The following PCDHA6 variants were observed in gnomAD, a reference collection of about 807,000 sequenced individuals.
PCDHA6 encodes the protein protocadherin alpha-6.
A neutral mutation model predicts 60.3 loss-of-function variants in PCDHA6; 55 were observed. That is an observed-to-expected ratio of 0.91 (90% CI 0.73 to 1.14). The LOEUF is 1.14. Ranked by LOEUF, PCDHA6 falls within the 50% of genes most tolerant of loss-of-function variation. The probability of loss-of-function intolerance (pLI) is 0.00; values close to 1 mark genes in which losing one functional copy is unlikely to be tolerated. For missense variants in PCDHA6, 1,327 were observed against 1,256.5 expected, an observed-to-expected ratio of 1.06 and a Z score of -0.85; for synonymous variants, 652 against 557.9, an observed-to-expected ratio of 1.17 and a Z score of -2.38.
chr5:140,941,820 C>T (rs2093176252), intron 1 of PCDHA6, among the ~76,000 whole-genome samples: 1 of 152,160 alleles, frequency 6.6e-6, no homozygotes, highest in Non-Finnish European at 1.5e-5. Flanking sequence ...AGGATGACTG[C>T]TGTAAATAAT....
At chr5:140,884,864 T>C (rs1048751495) in intron 1 of PCDHA6, among the ~76,000 whole-genome samples, 1 of 152,234 alleles carries the variant, frequency 6.6e-6, no homozygotes, top group African/African-American at 2.4e-5. Flanking sequence ...TCACAAACCA[T>C]AATGAAATGT....
At chr5:141,003,750 A>T (rs868985181) in intron 3 of PCDHA6, among the ~76,000 whole-genome samples, 3 of 152,226 alleles carry the variant, frequency 2.0e-5, no homozygotes, top group African/African-American at 7.2e-5. Flanking sequence ...CATATTTTGT[A>T]TAATTATGGT....
chr5:140,878,257 T>C (rs1266553954), intron 1 of PCDHA6, among the ~76,000 whole-genome samples: 10 of 152,206 alleles, frequency 6.6e-5, no homozygotes, highest in African/African-American at 2.4e-4. Flanking sequence ...CCTCACGTGC[T>C]TAGGCTTTTA....
chr5:140,883,740 C>G (rs2059789153), intron 1 of PCDHA6: 1 of 1,613,368 alleles, frequency 6.2e-7, no homozygotes, highest in Non-Finnish European at 8.5e-7. Context: ...GCGCTGGTCT[C>G]CTACTCGCTG....
At chr5:140,970,316 A>G (rs547261671) in intron 1 of PCDHA6, among the ~76,000 whole-genome samples, 1 of 152,342 alleles carries the variant, frequency 6.6e-6, no homozygotes, top group African/African-American at 2.4e-5. Flanking sequence ...GTTAAATGAC[A>G]GTACTTCCAA....
chr5:140,830,840 T>G (rs1048325789), intron 1 of PCDHA6: 1 of 154,714 alleles, frequency 6.5e-6, no homozygotes, highest in African/African-American at 2.4e-5. Flanking sequence ...ATAATTTTTT[T>G]ACATATACTC....
At chr5:140,902,257 C>T (rs1450183542) in intron 1 of PCDHA6, among the ~76,000 whole-genome samples, 2 of 140,176 alleles carry the variant, frequency 1.4e-5, no homozygotes, top group South Asian at 2.2e-4. Context: ...AGGCTGGTCT[C>T]GAACTCCTGG....
chr5:140,931,147 A>G (rs1469532498), intron 1 of PCDHA6, among the ~76,000 whole-genome samples: 1 of 152,206 alleles, frequency 6.6e-6, no homozygotes, highest in Non-Finnish European at 1.5e-5. Context: ...AGTGGATACT[A>G]TTTAATAGAA....
At chr5:140,862,719 C>A (rs2047508176) in intron 1 of PCDHA6, 3 of 565,388 alleles carry the variant, frequency 5.3e-6, no homozygotes, top group Admixed American at 1.9e-5. Context: ...TGGGCGAGTG[C>A]GCGCTGTCTA....
At chr5:140,971,117 G>A (rs868931936) in intron 1 of PCDHA6, among the ~76,000 whole-genome samples, 1 of 152,162 alleles carries the variant, frequency 6.6e-6, no homozygotes, top group Admixed American at 6.5e-5. Flanking sequence ...ATTGGGGTGG[G>A]CTACAGGTGG....
intron 1 of PCDHA6, chr5:140,857,366 G>C: frequency 2.5e-6 from 4 of 1,598,350 alleles, no homozygotes; most frequent in Non-Finnish European, 3.4e-6. Flanking sequence ...CACGGCCAGC[G>C]TGTCTGTGGA....
chr5:140,841,459 C>T, intron 1 of PCDHA6: 2 of 1,612,886 alleles, frequency 1.2e-6, no homozygotes, highest in South Asian at 1.1e-5. Context: ...CCTTCGTGGG[C>T]CGGATCGCGC....
At chr5:140,888,645 C>A (rs1275572541) in intron 1 of PCDHA6, among the ~76,000 whole-genome samples, 2 of 152,200 alleles carry the variant, frequency 1.3e-5, no homozygotes, top group African/African-American at 4.8e-5. Context: ...GCAATACTTT[C>A]CTGAGGACAC....
At chr5:140,858,508 T>C (rs1554151704) in intron 1 of PCDHA6, 2 of 1,443,968 alleles carry the variant, frequency 1.4e-6, no homozygotes, top group East Asian at 2.5e-5. Context: ...TTTTCTCAAA[T>C]ATGTATCAGA....
At chr5:140,895,802 C>CTGTAT (rs1289601886) in intron 1 of PCDHA6, among the ~76,000 whole-genome samples, 86 of 152,166 alleles carry the variant, frequency 5.7e-4, no homozygotes, top group African/African-American at 1.6e-3. Context: ...ATGTACAATA[C>CTGTAT]TGTATTGTAT....
At chr5:140,906,323 A>C (rs1487570044) in intron 1 of PCDHA6, among the ~76,000 whole-genome samples, 1 of 152,212 alleles carries the variant, frequency 6.6e-6, no homozygotes, top group Admixed American at 6.5e-5. Flanking sequence ...AACATGATAC[A>C]ACTATCCTTC....
At chr5:140,971,968 A>G (rs1049886222) in intron 1 of PCDHA6, among the ~76,000 whole-genome samples, 3 of 152,124 alleles carry the variant, frequency 2.0e-5, no homozygotes, top group Non-Finnish European at 4.4e-5. Flanking sequence ...CTTTTTTTCA[A>G]TACTATGAGT....
intron 3 of PCDHA6, among the ~76,000 whole-genome samples, chr5:140,987,383 G>A (rs2097252098): frequency 6.6e-6 from 1 of 152,138 alleles, no homozygotes; most frequent in Admixed American, 6.5e-5. Flanking sequence ...GGGTCAGAAT[G>A]CATGCAAGGA....
In PCDHA6 at chr5:140,828,709, T is replaced by C; in HGVS notation, c.618T>C (p.Pro206=). 2 of 1,614,254 alleles carry C rather than the reference T, an allele frequency of 1.2e-6. No homozygotes were observed. Among genetic ancestry groups the C allele is most frequent in the Non-Finnish European group, 8.5e-7 (1 of 1,180,050 alleles). ...LKKSLDREEA[P]AHNLFLTATD... is the part of the protein sequence containing the mutation. The stretch of plus-strand genomic sequence containing the variant: ...AATCCTTGGACAGAGAGGAAGCTCC[T>C]GCACACAACTTATTCCTGACAGCCA... Residue 206 remains proline, a synonymous_variant, in exon 1 of 4, where the codon CCT becomes CCC. Coordinates refer to ENST00000529310, the MANE Select transcript of PCDHA6 (RefSeq NM_018909.4).
Sources: gnomAD v4.1 joint callset for allele counts (sites outside exome capture counted in the v4.1 genomes callset) on GRCh38, gnomAD v4.1.1 for gene constraint, MANE v1.5 for transcripts, NCBI Gene and HGNC (gene_info 2026-07-23, HGNC 2026-07-21) for gene names.